YWHAQ: variants seen among roughly 807,000 people sequenced by gnomAD.
The protein encoded by YWHAQ is 14-3-3 protein theta.
In YWHAQ, 6 loss-of-function variants were observed where a neutral mutation model predicts 28.3. The ratio of observed to expected loss-of-function variants is 0.21; its 90% CI spans 0.12 to 0.42. The LOEUF (loss-of-function observed/expected upper bound fraction) is 0.42. Ranked by LOEUF, YWHAQ falls within the 10% of genes least tolerant of loss-of-function variation. The pLI is 1.00. For synonymous variants in YWHAQ, 143 were observed against 119.1 expected (o/e 1.20, Z -1.31); for missense variants, 201 against 305.6 (o/e 0.66, Z 2.55).
rs13433069 is a variant in YWHAQ, at chr2:9,603,312, C to G, written c.295-11797G>C. On this transcript the variant is annotated intron_variant, in intron 2 of 5. Coordinates refer to ENST00000238081, the MANE Select transcript of YWHAQ (RefSeq NM_006826.4). ...TGAGCTGGAGTCTCGCTCTGTTGCC[C>G]GGGCTGAAGTGCAGTGACACGATCT... Among the ~76,000 whole-genome samples, 207 of 150,228 alleles carry G rather than the reference C, an allele frequency of 1.4e-3. 2 individuals are homozygous for G. Among genetic ancestry groups the G allele is most frequent in the African/African-American group, 5.0e-3 (202 of 40,754 alleles).
chr2:9,602,583 A>G (rs1666714801), intron 2 of YWHAQ, among the ~76,000 whole-genome samples: 1 of 151,226 alleles, frequency 6.6e-6, no homozygotes, highest in Non-Finnish European at 1.5e-5. Flanking sequence ...TGTCTCCCCC[A>G]GCCTGGAACG....
At chr2:9,612,611 G>A (rs1303792989) in intron 2 of YWHAQ, among the ~76,000 whole-genome samples, 1 of 152,194 alleles carries the variant, frequency 6.6e-6, no homozygotes, top group Non-Finnish European at 1.5e-5. Flanking sequence ...AGTAGGAGGA[G>A]TGTGGAGCAA....
intron 2 of YWHAQ, chr2:9,620,547 C>CT (rs1313100591): frequency 6.6e-6 from 1 of 152,178 alleles, no homozygotes; most frequent in Non-Finnish European, 1.5e-5. Context: ...GTCAACTCTG[C>CT]TTTTTGGTCA....
At chr2:9,593,923 T>TATAC (rs377495113) in intron 2 of YWHAQ, among the ~76,000 whole-genome samples, 2,980 of 135,108 alleles carry the variant, frequency 0.022, 90 homozygotes, top group African/African-American at 0.073. Flanking sequence ...TATATATATA[T>TATAC]ACACACACAC....
intron 2 of YWHAQ, among the ~76,000 whole-genome samples, chr2:9,628,036 A>G (rs547722400): frequency 2.0e-5 from 3 of 152,336 alleles, no homozygotes; most frequent in South Asian, 4.1e-4. Context: ...TGCTCTCTAA[A>G]TTATAAATCA....
chr2:9,630,647 C>T lies in YWHAQ; in HGVS notation c.-82-113G>A, dbSNP rs1340875798. 2.3e-5 allele frequency: 12 copies of T among 528,738 alleles called. No individual in the cohort carries two copies. The highest frequency in any genetic ancestry group is 8.0e-5 in the Admixed American group (2 of 25,004). The allele number at this position is 528,738 out of a possible 1,614,324, so 32.8% of individuals were successfully genotyped here. On this transcript the variant is annotated intron_variant, in intron 1 of 5. Coordinates refer to ENST00000238081, the MANE Select transcript of YWHAQ (RefSeq NM_006826.4). The surrounding 1 kb of genome is among the most constrained non-coding windows in gnomAD (Gnocchi z 5.6). ...CCGCACACGCGGCCGCTTGAATTTC[C>T]CTCTCCCCCGCCCCCTCCCCCGCTG...
intron 2 of YWHAQ, among the ~76,000 whole-genome samples, chr2:9,601,636 C>T (rs78388875): frequency 0.026 from 3,946 of 152,122 alleles, 170 homozygotes; most frequent in African/African-American, 0.091. Context: ...TAACTAAGAG[C>T]AGTTCTTAAG....
At chr2:9,593,905 AATAT>A (rs199757991) in intron 2 of YWHAQ, among the ~76,000 whole-genome samples, 3 of 127,628 alleles carry the variant, frequency 2.4e-5, no homozygotes, top group Admixed American at 7.8e-5. Context: ...GATTAAAAAA[AATAT>A]ATATATATAT....
chr2:9,618,396 A>C lies in YWHAQ; in HGVS notation c.294+11763T>G, dbSNP rs898921775. Among the ~76,000 whole-genome samples, 3 of 147,292 alleles carry C rather than the reference A, an allele frequency of 2.0e-5. 1 individual carries two copies. The highest frequency in any genetic ancestry group is 4.4e-5 in the Non-Finnish European group (3 of 68,028). On this transcript the variant is annotated intron_variant, in intron 2 of 5. Coordinates refer to ENST00000238081, the MANE Select transcript of YWHAQ (RefSeq NM_006826.4). The stretch of plus-strand genomic sequence containing the variant: ...GTAAACATTTCTTTGAAACTTAAGG[A>C]AAGGAGATAAGTTTCCTTAGAGAAA...
chr2:9,586,686 T>C (rs918561207), intron 5 of YWHAQ, among the ~76,000 whole-genome samples: 3 of 152,218 alleles, frequency 2.0e-5, no homozygotes, highest in Non-Finnish European at 4.4e-5. Flanking sequence ...TGAATAGACA[T>C]GGTGCTAATA....
At chr2:9,621,162 GTTATT>G (rs1353422965) in intron 2 of YWHAQ, among the ~76,000 whole-genome samples, 2 of 152,078 alleles carry the variant, frequency 1.3e-5, no homozygotes, top group African/African-American at 4.8e-5. Context: ...TTTTGTTAAA[GTTATT>G]TTATTTTCTA....
intron 2 of YWHAQ, among the ~76,000 whole-genome samples, chr2:9,609,569 T>C (rs1666904858): frequency 6.7e-6 from 1 of 149,336 alleles, no homozygotes; most frequent in Admixed American, 6.6e-5. Flanking sequence ...AAAAGCACAA[T>C]AAATCCCAAG....
At chr2:9,599,244 T>C (rs1464715717) in intron 2 of YWHAQ, among the ~76,000 whole-genome samples, 2 of 152,104 alleles carry the variant, frequency 1.3e-5, no homozygotes, top group Admixed American at 1.3e-4. Flanking sequence ...ATTCATGAGG[T>C]TGACCGAAAG....
chr2:9,617,930 A>G (rs986309878), intron 2 of YWHAQ, among the ~76,000 whole-genome samples: 1 of 152,036 alleles, frequency 6.6e-6, no homozygotes, highest in Admixed American at 6.6e-5. Flanking sequence ...CTCTGCCAAA[A>G]AAAAAAAAAA....
chr2:9,598,937 A>C (rs1229822319), intron 2 of YWHAQ, among the ~76,000 whole-genome samples: 1 of 152,266 alleles, frequency 6.6e-6, no homozygotes, highest in Non-Finnish European at 1.5e-5. Context: ...TCGAAAGCCA[A>C]GACAAGCTAA....
chr2:9,603,203 T>C (rs62119428), intron 2 of YWHAQ, among the ~76,000 whole-genome samples: 22,878 of 151,304 alleles, frequency 0.15, 2,150 homozygotes, highest in Middle Eastern at 0.24. Flanking sequence ...ACTTACAATC[T>C]GTTCAAATAT....
intron 2 of YWHAQ, among the ~76,000 whole-genome samples, chr2:9,611,294 T>C (rs961714108): frequency 4.6e-5 from 7 of 152,180 alleles, no homozygotes; most frequent in Non-Finnish European, 1.0e-4. Flanking sequence ...AATGATTATG[T>C]CTTGATTCCT....
intron 2 of YWHAQ, among the ~76,000 whole-genome samples, chr2:9,605,991 A>G (rs1666819204): frequency 1.3e-5 from 2 of 152,096 alleles, no homozygotes; most frequent in Admixed American, 6.6e-5. Context: ...AGATAATTCC[A>G]TGTCCATATA....
chr2:9,610,612 G>A (rs895748176), intron 2 of YWHAQ, among the ~76,000 whole-genome samples: 1 of 152,030 alleles, frequency 6.6e-6, no homozygotes, highest in Non-Finnish European at 1.5e-5. Flanking sequence ...GGGTTCAAAC[G>A]ATTCTCCTGC....
Sources: gnomAD v4.1 joint callset for allele counts (sites outside exome capture counted in the v4.1 genomes callset) on GRCh38, gnomAD v4.1.1 for gene constraint, Gnocchi (gnomAD v3.1) non-coding constraint, MANE v1.5 for transcripts, NCBI Gene and HGNC (gene_info 2026-07-23, HGNC 2026-07-21) for gene names.